Variants in MACROD2 observed in about 807,000 individuals in gnomAD.
MACROD2 encodes ADP-ribose glycohydrolase MACROD2.
A neutral mutation model predicts 70.4 loss-of-function variants in MACROD2; 36 were observed. The ratio of observed to expected loss-of-function variants is 0.51; its 90% CI spans 0.39 to 0.68. The LOEUF (loss-of-function observed/expected upper bound fraction) is 0.68, where lower values mean the gene tolerates loss of function less well. MACROD2 is among the 30% of genes least tolerant of loss of function. The pLI is 0.00. For synonymous variants in MACROD2, 172 were observed against 178.8 expected (o/e 0.96, Z 0.30); for missense variants, 496 against 538.4 (o/e 0.92, Z 0.78).
intron 8 of MACROD2, among the ~76,000 whole-genome samples, chr20:15,820,992 G>A (rs1422039393): frequency 2.0e-5 from 3 of 152,100 alleles, no homozygotes; most frequent in South Asian, 2.1e-4. Context: ...TGAGAGGCTA[G>A]CATTTACCTC....
chr20:15,621,238 C>T (rs560353606), intron 8 of MACROD2, among the ~76,000 whole-genome samples: 12 of 152,286 alleles, frequency 7.9e-5, no homozygotes, highest in Non-Finnish European at 1.2e-4. Context: ...TTCTTAGTCT[C>T]TTCTCTCTAT....
intron 7 of MACROD2, among the ~76,000 whole-genome samples, chr20:15,483,102 A>G (rs929068311): frequency 6.6e-6 from 1 of 152,150 alleles, no homozygotes; most frequent in Non-Finnish European, 1.5e-5. Context: ...TTCATAAAGC[A>G]TGTATTTGGT....
At chr20:15,232,652 T>C (rs1438591170) in intron 6 of MACROD2, among the ~76,000 whole-genome samples, 2 of 152,074 alleles carry the variant, frequency 1.3e-5, no homozygotes, top group Non-Finnish European at 2.9e-5. Flanking sequence ...CACCTCATGA[T>C]TTGGCAATTT....
At chr20:14,565,071 A>T (rs1045025076) in intron 4 of MACROD2, among the ~76,000 whole-genome samples, 3 of 152,036 alleles carry the variant, frequency 2.0e-5, no homozygotes, top group African/African-American at 7.2e-5. Flanking sequence ...CCTAACTGAA[A>T]TGACTCAGAA....
chr20:15,261,423 C>T (rs1442824780), intron 6 of MACROD2, among the ~76,000 whole-genome samples: 6 of 151,664 alleles, frequency 4.0e-5, no homozygotes, highest in Non-Finnish European at 5.9e-5. Context: ...TGCATTTTGC[C>T]GAGTAGGATT....
chr20:14,045,071 C>G (rs1274338493), intron 2 of MACROD2, among the ~76,000 whole-genome samples: 1 of 152,228 alleles, frequency 6.6e-6, no homozygotes, highest in Non-Finnish European at 1.5e-5. Flanking sequence ...CGGCTTGCCG[C>G]TCCGAGTGCG....
At chr20:14,455,928 ATTATC>A (rs2084297331) in intron 3 of MACROD2, among the ~76,000 whole-genome samples, 1 of 151,722 alleles carries the variant, frequency 6.6e-6, no homozygotes, top group African/African-American at 2.4e-5. Context: ...TCATCTAAAA[ATTATC>A]TTATGTCTCA....
intron 5 of MACROD2, among the ~76,000 whole-genome samples, chr20:15,199,751 A>G (rs1398167318): frequency 6.6e-6 from 1 of 152,200 alleles, no homozygotes; most frequent in Non-Finnish European, 1.5e-5. Flanking sequence ...TTGTTAAATT[A>G]TTTTACCTCT....
intron 15 of MACROD2, among the ~76,000 whole-genome samples, chr20:16,021,008 A>T (rs544668270): frequency 1.3e-5 from 2 of 152,252 alleles, no homozygotes; most frequent in East Asian, 1.9e-4. Context: ...GTCAACAAAG[A>T]TCTCTCAGTA....
chr20:14,105,588 A>C (rs997322305), intron 3 of MACROD2, among the ~76,000 whole-genome samples: 1 of 152,222 alleles, frequency 6.6e-6, no homozygotes, highest in African/African-American at 2.4e-5. Context: ...CAACGACTGC[A>C]GTTCCTATGC....
chr20:14,270,901 T>C (rs1383945355), intron 3 of MACROD2, among the ~76,000 whole-genome samples: 1 of 152,112 alleles, frequency 6.6e-6, no homozygotes, highest in Non-Finnish European at 1.5e-5. Flanking sequence ...AGCACAGCAG[T>C]CTGAGATCAA....
chr20:15,529,167 G>C (rs543115275), intron 8 of MACROD2, among the ~76,000 whole-genome samples: 2 of 152,236 alleles, frequency 1.3e-5, no homozygotes, highest in East Asian at 3.9e-4. Context: ...CAGCCAAAAG[G>C]AGAAGAGCTG....
chr20:14,553,343 A>G (rs1469550453), intron 4 of MACROD2, among the ~76,000 whole-genome samples: 6 of 150,496 alleles, frequency 4.0e-5, no homozygotes, highest in Admixed American at 4.0e-4. Context: ...GTCATCTCCT[A>G]TGATAATAGT....
At chr20:15,816,915 T>C (rs2063882501) in intron 8 of MACROD2, among the ~76,000 whole-genome samples, 1 of 152,200 alleles carries the variant, frequency 6.6e-6, no homozygotes, top group Non-Finnish European at 1.5e-5. Context: ...AGAGACTTTG[T>C]CTAATGGCTT....
At chr20:15,019,473 T>C (rs1250724668) in intron 5 of MACROD2, among the ~76,000 whole-genome samples, 3 of 152,128 alleles carry the variant, frequency 2.0e-5, no homozygotes, top group Non-Finnish European at 4.4e-5. Context: ...AGCAGAGAGA[T>C]GGTGACAAAA....
intron 4 of MACROD2, among the ~76,000 whole-genome samples, chr20:14,681,609 G>A (rs2070933514): frequency 6.6e-6 from 1 of 152,088 alleles, no homozygotes; most frequent in Non-Finnish European, 1.5e-5. Flanking sequence ...GAATGGAAAG[G>A]GCACAAGGTA....
chr20:14,851,777 C>G (rs1209731232), intron 5 of MACROD2, among the ~76,000 whole-genome samples: 1 of 152,164 alleles, frequency 6.6e-6, no homozygotes, highest in East Asian at 1.9e-4. Context: ...CATAACAACC[C>G]TATTTGAAGA....
chr20:14,749,465 A>G (rs1016180153), intron 5 of MACROD2, among the ~76,000 whole-genome samples: 2 of 152,132 alleles, frequency 1.3e-5, no homozygotes, highest in African/African-American at 2.4e-5. Context: ...CTAAGTGTGT[A>G]TCACCAGAAG....
At chr20:14,595,919 C>T (rs141643089) in intron 4 of MACROD2, among the ~76,000 whole-genome samples, 36 of 152,168 alleles carry the variant, frequency 2.4e-4, no homozygotes, top group African/African-American at 7.5e-4. Context: ...GTCCCAATAA[C>T]GAGGAACATT....
Sources: gnomAD v4.1 joint callset for allele counts (sites outside exome capture counted in the v4.1 genomes callset) on GRCh38, gnomAD v4.1.1 for gene constraint, MANE v1.5 for transcripts, NCBI Gene and HGNC (gene_info 2026-07-23, HGNC 2026-07-21) for gene names.